The following SARDH variants were observed in gnomAD, a reference collection of about 807,000 sequenced individuals.
The protein encoded by SARDH is sarcosine dehydrogenase, also known as sarcosine dehydrogenase, mitochondrial.
Under a neutral mutation model 109.1 loss-of-function variants are expected in SARDH, and 95 were observed. That is an observed-to-expected ratio of 0.87 (90% CI 0.74 to 1.03). The LOEUF is 1.03. Among genes scored for constraint, SARDH ranks in the 50% least tolerant of loss-of-function variants. The pLI is 0.00. For missense variants in SARDH, 1,267 were observed against 1,287.8 expected (o/e 0.98, Z 0.25); for synonymous variants, 572 against 534.8 (o/e 1.07, Z -0.96).
At position 133,670,715 on chromosome 9, in the gene SARDH, G is replaced by A; in HGVS notation, c.2364C>T (p.Asp788=). 1.9e-6 allele frequency: 3 copies of A among 1,601,204 alleles called. No individual in the cohort carries two copies. Among genetic ancestry groups the A allele is most frequent in the South Asian group, 2.2e-5 (2 of 89,350 alleles). ...AGGCCAGGCCTGCCTCCAGGGGGCT[G>A]TCGTCTGGCCGCAGGTCCGCGTGCC... ...RHWHADLRPD[D]SPLEAGLAFT... Residue 788 remains aspartate, a synonymous_variant, in exon 19 of 21, where the codon GAC becomes GAT. Coordinates refer to ENST00000439388, the MANE Select transcript of SARDH (RefSeq NM_001134707.2).
In SARDH at chr9:133,675,998, G is replaced by C. The variant is rs142592810; in HGVS notation, c.2164-4301C>G. On this transcript the variant is annotated intron_variant, in intron 17 of 20. Transcript: ENST00000439388. ...GTCCCAGCTACTTGGAAGGCTGAAG[G>C]GGGGAGGATCACTTGAGACCAGGAG... Among the ~76,000 whole-genome samples, 1,291 of 148,422 alleles carry C rather than the reference G, an allele frequency of 8.7e-3. 14 individuals are homozygous for C. The highest frequency in any genetic ancestry group is 0.028 in the African/African-American group (1,079 of 37,940).
In SARDH at chr9:133,666,656, A is replaced by C; in HGVS notation, c.2631+79T>G. ...CCTCCTCCCTATGCCCGGCACACTC[A>C]GGGTGCAGTGCAGGGAGCTGGTTTG... On this transcript the variant is annotated intron_variant, in intron 20 of 20. Transcript: ENST00000439388. The surrounding 1 kb of genome is among the most constrained non-coding windows in gnomAD (Gnocchi z 5.2). 2 of 1,529,046 alleles carry C rather than the reference A, an allele frequency of 1.3e-6. No individual in the cohort carries two copies. Among genetic ancestry groups the C allele is most frequent in the Non-Finnish European group, 1.8e-6 (2 of 1,130,122 alleles). The allele number at this position is 1,529,046 out of a possible 1,614,324, so 94.7% of individuals were successfully genotyped here. A position where few individuals can be genotyped will look rare whatever the true frequency, so the allele number is the denominator to read the frequency against.
At chr9:133,665,731 G>A (rs551279393) in intron 20 of SARDH, among the ~76,000 whole-genome samples, 1 of 152,158 alleles carries the variant, frequency 6.6e-6, no homozygotes, top group African/African-American at 2.4e-5. Context: ...TTGGGCCTGC[G>A]AGCTGGGCCT....
In SARDH at chr9:133,687,804, A is replaced by G. The variant is rs536474797; in HGVS notation, c.2070-2518T>C. Among the ~76,000 whole-genome samples, 6 of 152,370 alleles carry G rather than the reference A, an allele frequency of 3.9e-5. No homozygotes were observed. In the East Asian group the frequency reaches 1.2e-3, roughly 29 times the overall value. Reference sequence around the variant, plus strand: ...GAGCACGTCCTGAATAACAATTCCGAAAGTGCAGCCTTTATCAGCAGCACC... The same window carrying G: ...GAGCACGTCCTGAATAACAATTCCGGAAGTGCAGCCTTTATCAGCAGCACC... On this transcript the variant is annotated intron_variant, in intron 16 of 20. Transcript: ENST00000439388.
chr9:133,696,459 T>A, intron 13 of SARDH, 98 bp from the exon 14 acceptor site: 1 of 1,470,422 alleles, frequency 6.8e-7, no homozygotes, highest in Non-Finnish European at 9.4e-7. Flanking sequence ...AACACACCTG[T>A]ACTGAGCCTC....
In SARDH at chr9:133,672,013, T is replaced by C. The variant is rs78497249; in HGVS notation, c.2164-316A>G. Among the ~76,000 whole-genome samples the C allele has an allele frequency of 4.7e-3, 718 of 152,342 alleles. 17 individuals carry two copies. In the East Asian group the frequency reaches 0.07, roughly 15 times the overall value. ...ATAACAAACGACCACAACTGGTGGC[T>C]TAAAACAATAACAGTAAACTCTCTC... On this transcript the variant is annotated intron_variant, in intron 17 of 20. Coordinates refer to ENST00000439388, the MANE Select transcript of SARDH (RefSeq NM_001134707.2).
At chr9:133,672,112 C>T (rs1031656451) in intron 17 of SARDH, among the ~76,000 whole-genome samples, 1 of 152,212 alleles carries the variant, frequency 6.6e-6, no homozygotes. Context: ...CCGGAGACGA[C>T]CCTTCCACTC....
rs9409821 is a variant in SARDH at position 133,726,282 on chromosome 9, C to T, written c.915+3483G>A. ...ACTCGGGAGGTGGAGGTGGGAGGAT[C>T]GCTTGAGCCCAGGAGGTCAAGGCTG... On this transcript the variant is annotated intron_variant, in intron 6 of 20. Coordinates refer to ENST00000439388, the MANE Select transcript of SARDH (RefSeq NM_001134707.2). Among the ~76,000 whole-genome samples, 752 of 150,644 alleles carry T rather than the reference C, an allele frequency of 5.0e-3. 21 individuals carry two copies. Among genetic ancestry groups the T allele is most frequent in the Admixed American group, 0.037 (560 of 15,098 alleles).
Position 133,663,822 on chromosome 9 carries a change from A to G in SARDH, c.*67T>C. On this transcript the variant is annotated 3_prime_UTR_variant, in exon 21 of 21. Coordinates refer to ENST00000439388, the MANE Select transcript of SARDH (RefSeq NM_001134707.2). ...TTCTGGCTGGGTCCAGGGTCCTGGG[A>G]CCCAGGGCCATTTGGGACCTGTGAG... 6.3e-7 allele frequency: 1 copy of G among 1,598,490 alleles called. No individual in the cohort carries two copies. Among genetic ancestry groups the G allele is most frequent in the Non-Finnish European group, 8.5e-7 (1 of 1,171,422 alleles).
chr9:133,661,146 C>T (rs1832406914), downstream of SARDH, among the ~76,000 whole-genome samples: 1 of 152,104 alleles, frequency 6.6e-6, no homozygotes, highest in African/African-American at 2.4e-5. Flanking sequence ...TCGAGACCAG[C>T]CTGGCCAATA....
At chr9:133,674,915 T>C (rs1588385697) in intron 17 of SARDH, among the ~76,000 whole-genome samples, 1 of 152,160 alleles carries the variant, frequency 6.6e-6, no homozygotes. Context: ...CGAAGGACGC[T>C]AACAAAGAGT....
chr9:133,669,334 G>A (rs57660207), intron 19 of SARDH, among the ~76,000 whole-genome samples: 32,736 of 62,914 alleles, frequency 0.52, 9,009 homozygotes, highest in East Asian at 0.87. Context: ...CCTCTCCCTC[G>A]TCCTCCCTCT....
In SARDH at chr9:133,709,640, G is replaced by A. The variant is rs188375648; in HGVS notation, c.1329-1212C>T. Among the ~76,000 whole-genome samples, 310 of 152,248 alleles carry A rather than the reference G, an allele frequency of 2.0e-3. 4 individuals carry two copies. The highest frequency in any genetic ancestry group is 6.2e-4 in the Non-Finnish European group (42 of 68,024). The stretch of plus-strand genomic sequence containing the variant: ...ATGGGTGGGGAGTAGAGGTGCAGAC[G>A]TGAGGATTATTATTAATGATATTAT... On this transcript the variant is annotated intron_variant, in intron 10 of 20. Coordinates refer to ENST00000439388, the MANE Select transcript of SARDH (RefSeq NM_001134707.2). This position sits in a 1 kb window ranked among gnomAD's most constrained non-coding sequence, Gnocchi z 4.2.
rs1048106450 is a variant in SARDH, at chr9:133,712,427, G to A, written c.1328+192C>T. Among the ~76,000 whole-genome samples the A allele has an allele frequency of 2.6e-5, 4 of 152,042 alleles. No individual in the cohort carries two copies. Among genetic ancestry groups the A allele is most frequent in the African/African-American group, 4.8e-5 (2 of 41,394 alleles). On this transcript the variant is annotated intron_variant, in intron 10 of 20. Coordinates refer to ENST00000439388, the MANE Select transcript of SARDH (RefSeq NM_001134707.2). This position sits in a 1 kb window ranked among gnomAD's most constrained non-coding sequence, Gnocchi z 4.1. ...GAGATCTTCAAAGCTGTAAAGGGGCGTGGACCTGCCCCCCAGCCACCCCCT... is the reference window on the plus strand; with the variant it reads ...GAGATCTTCAAAGCTGTAAAGGGGCATGGACCTGCCCCCCAGCCACCCCCT...
intron 6 of SARDH, chr9:133,725,537 G>A (rs567203157): frequency 4.6e-6 from 2 of 438,688 alleles, no homozygotes; most frequent in South Asian, 1.6e-5. Flanking sequence ...TCAGCCGGGT[G>A]TGGTGACGGG....
At chr9:133,715,734 A>AAATGCTC (rs1832096813) in intron 8 of SARDH, among the ~76,000 whole-genome samples, 1 of 151,954 alleles carries the variant, frequency 6.6e-6, no homozygotes, top group South Asian at 2.1e-4. Flanking sequence ...ACCTCTACTC[A>AAATGCTC]AATGCTCTCT....
At chr9:133,694,121 TC>T in intron 15 of SARDH, 136 bp downstream of exon 15, 1 of 655,656 alleles carries the variant, frequency 1.5e-6, no homozygotes, top group Non-Finnish European at 2.6e-6. Context: ...ATCTCCCAGC[TC>T]TGACCACAGC....
rs1015368333 is a variant in SARDH at position 133,663,722 on chromosome 9, T to C, written c.*167A>G. On this transcript the variant is annotated 3_prime_UTR_variant, in exon 21 of 21. Transcript: ENST00000439388. The stretch of plus-strand genomic sequence containing the variant: ...CAGTCAGTGACCACAGGATGGGCCA[T>C]CTTGGTCTCTGTCCGTATCTGGTTT... 1.1e-6 allele frequency: 1 copy of C among 922,548 alleles called. No individual in the cohort carries two copies. 57.1% of individuals were successfully genotyped at this position (922,548 alleles called of 1,614,324 possible). A position where few individuals can be genotyped will look rare whatever the true frequency, so the allele number is the denominator to read the frequency against.
chr9:133,729,041 T>G (rs1215802287), intron 6 of SARDH, among the ~76,000 whole-genome samples: 19 of 107,830 alleles, frequency 1.8e-4, no homozygotes, highest in African/African-American at 2.2e-4. Context: ...GAGGAATGGA[T>G]GAAGGGAAGG....
Sources: allele counts gnomAD v4.1 joint callset (sites outside exome capture counted in the v4.1 genomes callset), GRCh38; gene constraint gnomAD v4.1.1; non-coding constraint Gnocchi (gnomAD v3.1); transcripts MANE v1.5; gene names NCBI Gene and HGNC (gene_info 2026-07-23, HGNC 2026-07-21).